IL1RAPL1: variants seen among roughly 807,000 people sequenced by gnomAD.
IL1RAPL1 encodes interleukin-1 receptor accessory protein-like 1.
In IL1RAPL1, 3 loss-of-function variants were observed where a neutral mutation model predicts 48.4. The ratio of observed to expected loss-of-function variants is 0.06; its 90% CI spans 0.03 to 0.16. The LOEUF (loss-of-function observed/expected upper bound fraction) is 0.16. Ranked by LOEUF, IL1RAPL1 falls within the 10% of genes least tolerant of loss-of-function variation. The pLI is 1.00. For missense variants in IL1RAPL1, 349 were observed against 530.6 expected (o/e 0.66, Z 3.36); for synonymous variants, 185 against 187.7 (o/e 0.99, Z 0.12).
chrX:29,313,253 CTGTGTGTG>C (rs35894909), intron 3 of IL1RAPL1, among the ~76,000 whole-genome samples: 6 of 90,796 alleles, frequency 6.6e-5, no homozygotes, highest in African/African-American at 2.3e-4. Flanking sequence ...ACATACAAGC[CTGTGTGTG>C]TGTGTGTGTG....
At chrX:28,910,159 T>C (rs749543183) in intron 2 of IL1RAPL1, among the ~76,000 whole-genome samples, 24 of 111,339 alleles carry the variant, frequency 2.2e-4, no homozygotes, top group Non-Finnish European at 3.8e-4. Context: ...ACTCAGAATG[T>C]TGTTATTTGA....
chrX:29,122,219 C>G (rs73210070), intron 2 of IL1RAPL1, among the ~76,000 whole-genome samples: 2,934 of 110,735 alleles, frequency 0.026, 37 homozygotes, highest in Non-Finnish European at 0.034. Flanking sequence ...CTTTGATTAT[C>G]GCTATAATAA....
chrX:29,081,255 C>T (rs1476231513), intron 2 of IL1RAPL1, among the ~76,000 whole-genome samples: 2 of 107,022 alleles, frequency 1.9e-5, no homozygotes, highest in African/African-American at 6.9e-5. Context: ...GGGATTTCTC[C>T]ATGTTGGTCA....
At chrX:28,974,853 G>A (rs902400265) in intron 2 of IL1RAPL1, among the ~76,000 whole-genome samples, 1 of 112,019 alleles carries the variant, frequency 8.9e-6, no homozygotes, top group African/African-American at 3.2e-5. Context: ...TGTATGTAAT[G>A]TAATATAGTT....
At chrX:29,079,408 A>T (rs1927752881) in intron 2 of IL1RAPL1, among the ~76,000 whole-genome samples, 1 of 111,196 alleles carries the variant, frequency 9.0e-6, no homozygotes, top group African/African-American at 3.3e-5. Flanking sequence ...AAATAACATC[A>T]TTGGAGTCTT....
At chrX:29,069,783 T>G (rs1290706684) in intron 2 of IL1RAPL1, among the ~76,000 whole-genome samples, 1 of 111,708 alleles carries the variant, frequency 9.0e-6, no homozygotes, top group Non-Finnish European at 1.9e-5. Context: ...TTTCTTACTT[T>G]TGTTCCCAAG....
intron 6 of IL1RAPL1, among the ~76,000 whole-genome samples, chrX:29,679,059 C>T (rs937833892): frequency 2.7e-5 from 3 of 111,307 alleles, no homozygotes; most frequent in African/African-American, 9.8e-5. Context: ...TATAGAATGG[C>T]GGCTCTTTGA....
chrX:28,708,064 G>A (rs145482458), intron 1 of IL1RAPL1, among the ~76,000 whole-genome samples: 1,464 of 111,495 alleles, frequency 0.013, 17 homozygotes, highest in Non-Finnish European at 0.021. Flanking sequence ...GACCCAGGGA[G>A]CTTGCAAGGC....
chrX:29,895,513 C>T (rs1932365329), intron 6 of IL1RAPL1, among the ~76,000 whole-genome samples: 1 of 112,806 alleles, frequency 8.9e-6, no homozygotes, highest in African/African-American at 3.2e-5. Context: ...CACTGCACCA[C>T]TGCACTGCAG....
At chrX:29,695,814 G>A (rs973745027) in intron 6 of IL1RAPL1, among the ~76,000 whole-genome samples, 1 of 111,112 alleles carries the variant, frequency 9.0e-6, no homozygotes, top group East Asian at 2.8e-4. Context: ...ATGGGGTACC[G>A]AGAGCAGCAT....
intron 2 of IL1RAPL1, among the ~76,000 whole-genome samples, chrX:28,824,799 G>T: frequency 9.0e-6 from 1 of 111,717 alleles, no homozygotes; most frequent in Non-Finnish European, 1.9e-5. Context: ...TTCATTAGGA[G>T]ACTTTTTCTG....
At chrX:29,126,357 A>C (rs980164821) in intron 2 of IL1RAPL1, among the ~76,000 whole-genome samples, 4 of 112,206 alleles carry the variant, frequency 3.6e-5, no homozygotes, top group Non-Finnish European at 7.5e-5. Context: ...TCCCATTTAA[A>C]ATTTTATTCT....
chrX:29,746,631 A>T (rs1928341896), intron 6 of IL1RAPL1, among the ~76,000 whole-genome samples: 1 of 111,120 alleles, frequency 9.0e-6, no homozygotes, highest in African/African-American at 3.3e-5. Context: ...TCTTCGCGAC[A>T]AATTCTTACT....
intron 2 of IL1RAPL1, among the ~76,000 whole-genome samples, chrX:29,033,509 C>T (rs754061419): frequency 6.3e-5 from 7 of 110,679 alleles, no homozygotes; most frequent in Non-Finnish European, 1.1e-4. Context: ...AGGGTATAGG[C>T]GAGATGGGAG....
chrX:29,524,917 T>A (rs1449860529), intron 5 of IL1RAPL1, among the ~76,000 whole-genome samples: 1 of 112,235 alleles, frequency 8.9e-6, no homozygotes, highest in Non-Finnish European at 1.9e-5. Context: ...TTTATAGAGA[T>A]TCCAGTATAA....
At chrX:29,386,867 A>T (rs914805558) in intron 3 of IL1RAPL1, among the ~76,000 whole-genome samples, 2 of 111,912 alleles carry the variant, frequency 1.8e-5, no homozygotes, top group African/African-American at 6.5e-5. Context: ...AATGCTCAGT[A>T]AGTGAGAGTT....
chrX:28,881,563 T>C (rs1922502752), intron 2 of IL1RAPL1, among the ~76,000 whole-genome samples: 1 of 111,802 alleles, frequency 8.9e-6, no homozygotes, highest in Non-Finnish European at 1.9e-5. Flanking sequence ...TGTGTTCGTG[T>C]TGAAATTTTA....
chrX:29,301,522 A>G (rs936918680), intron 3 of IL1RAPL1, among the ~76,000 whole-genome samples: 1 of 112,457 alleles, frequency 8.9e-6, no homozygotes, highest in African/African-American at 3.2e-5. Flanking sequence ...AGTATCCAAC[A>G]TGAAAATTAT....
At chrX:29,158,639 A>G (rs1198019099) in intron 2 of IL1RAPL1, among the ~76,000 whole-genome samples, 1 of 111,149 alleles carries the variant, frequency 9.0e-6, no homozygotes, top group Non-Finnish European at 1.9e-5. Flanking sequence ...GGCCTCCCAA[A>G]GTGCTGGGAT....
Sources: allele counts gnomAD v4.1 joint callset (sites outside exome capture counted in the v4.1 genomes callset), GRCh38; gene constraint gnomAD v4.1.1; transcripts MANE v1.5; gene names NCBI Gene and HGNC (gene_info 2026-07-23, HGNC 2026-07-21).